The following SBNO2 variants were observed in gnomAD, a reference collection of about 807,000 sequenced individuals.
SBNO2 encodes the protein protein strawberry notch homolog 2.
A neutral mutation model predicts 146.3 loss-of-function variants in SBNO2; 89 were observed. The ratio of observed to expected loss-of-function variants is 0.61; its 90% CI spans 0.51 to 0.73. SBNO2 has a LOEUF of 0.73. Among genes scored for constraint, SBNO2 ranks in the 30% least tolerant of loss-of-function variants. SBNO2 has a pLI of 0.00. For synonymous variants in SBNO2, 1,147 were observed against 892.6 expected (o/e 1.29, Z -5.08); for missense variants, 2,092 against 2,003.7 (o/e 1.04, Z -0.84).
chr19:1,163,921 AC>A (rs1051463526), intron 1 of SBNO2, among the ~76,000 whole-genome samples: 1 of 151,992 alleles, frequency 6.6e-6, no homozygotes, highest in African/African-American at 2.4e-5. Context: ...ACCGCCCCAT[AC>A]CCCAGGAGCC....
intron 1 of SBNO2, among the ~76,000 whole-genome samples, chr19:1,160,826 G>A (rs1010265612): frequency 2.6e-5 from 4 of 152,030 alleles, no homozygotes; most frequent in South Asian, 2.1e-4. Flanking sequence ...CACCAGGCCC[G>A]GCCCGAATGG....
In SBNO2 at chr19:1,166,231, A is replaced by ATCCCAGACTTCAGAT. The variant is rs1555729309; in HGVS notation, c.-127+7940_-127+7941insATCTGAAGTCTGGGA. On this transcript the variant is annotated intron_variant, in intron 1 of 31. Coordinates refer to ENST00000361757, the MANE Select transcript of SBNO2 (RefSeq NM_014963.3). The stretch of plus-strand genomic sequence containing the variant: ...CCAGATCCCAGACCCGAGATTCCAG[A>ATCCCAGACTTCAGAT]CCCCAGATCCCAGACCCCAGCCCAG... Among the ~76,000 whole-genome samples the ATCCCAGACTTCAGAT allele has an allele frequency of 2.6e-5, 2 of 76,534 alleles. 1 individual carries two copies. Among genetic ancestry groups the ATCCCAGACTTCAGAT allele is most frequent in the Non-Finnish European group, 5.5e-5 (2 of 36,260 alleles). 50.2% of individuals were successfully genotyped at this position (76,534 alleles called of 152,430 possible).
At chr19:1,128,927 C>T (rs2079997588) in intron 4 of SBNO2, among the ~76,000 whole-genome samples, 1 of 148,594 alleles carries the variant, frequency 6.7e-6, no homozygotes, top group South Asian at 2.1e-4. Context: ...TGTTACTGCA[C>T]AACTACATTC....
In SBNO2 at chr19:1,150,820, T is replaced by C. The variant is rs886160005; in HGVS notation, c.94-1378A>G. ...CCGGATGGCCGGGGGCCACTTTCTG[T>C]ACCCGCAGGTGCTGGGTGGGGGATT... On this transcript the variant is annotated intron_variant, in intron 2 of 31. Coordinates refer to ENST00000361757, the MANE Select transcript of SBNO2 (RefSeq NM_014963.3). This position sits in a 1 kb window ranked among gnomAD's most constrained non-coding sequence, Gnocchi z 6.2. Among the ~76,000 whole-genome samples the C allele has an allele frequency of 6.6e-6, 1 of 152,170 alleles. No individual in the cohort carries two copies. Among genetic ancestry groups the C allele is most frequent in the African/African-American group, 2.4e-5 (1 of 41,446 alleles).
At chr19:1,151,988 C>T (rs1195012078) in intron 2 of SBNO2, among the ~76,000 whole-genome samples, 1 of 152,082 alleles carries the variant, frequency 6.6e-6, no homozygotes, top group African/African-American at 2.4e-5. Flanking sequence ...TAATTGAATA[C>T]TCTGGGCACT....
In SBNO2 at chr19:1,157,408, G is replaced by A. The variant is rs140176643; in HGVS notation, c.-126-3006C>T. 4.3e-3 allele frequency among the ~76,000 whole-genome samples: 634 copies of A among 147,220 alleles called. 5 individuals are homozygous for A. Among genetic ancestry groups the A allele is most frequent in the African/African-American group, 0.011 (433 of 40,472 alleles). ...AGCCCCGGAGACGCTCTCCCCACGC[G>A]GCCCCGGAGACCCTCTCCCCACGCG... On this transcript the variant is annotated intron_variant, in intron 1 of 31. Transcript: ENST00000361757. This position sits in a 1 kb window ranked among gnomAD's most constrained non-coding sequence, Gnocchi z 6.8.
rs1048005088 is a variant in SBNO2, at chr19:1,150,824, C to T, written c.94-1382G>A. Among the ~76,000 whole-genome samples, 5 of 152,348 alleles carry T rather than the reference C, an allele frequency of 3.3e-5. No homozygotes were observed. Among genetic ancestry groups the T allele is most frequent in the South Asian group, 2.1e-4 (1 of 4,834 alleles). Reference sequence around the variant, plus strand: ...ATGGCCGGGGGCCACTTTCTGTACCCGCAGGTGCTGGGTGGGGGATTCCAG... The same window carrying T: ...ATGGCCGGGGGCCACTTTCTGTACCTGCAGGTGCTGGGTGGGGGATTCCAG... On this transcript the variant is annotated intron_variant, in intron 2 of 31. Transcript: ENST00000361757. The surrounding 1 kb of genome is among the most constrained non-coding windows in gnomAD (Gnocchi z 6.2).
intron 1 of SBNO2, among the ~76,000 whole-genome samples, chr19:1,159,376 G>T (rs2080321993): frequency 6.7e-6 from 1 of 149,862 alleles, no homozygotes; most frequent in South Asian, 2.1e-4. Context: ...ATGGAGCCCG[G>T]GGCAAGGGAG....
chr19:1,173,237 G>A lies in SBNO2; in HGVS notation c.-127+935C>T, dbSNP rs2080498626. Among the ~76,000 whole-genome samples, 1 of 152,076 alleles carries A rather than the reference G, an allele frequency of 6.6e-6. No homozygotes were observed. Among genetic ancestry groups the A allele is most frequent in the African/African-American group, 2.4e-5 (1 of 41,402 alleles). On this transcript the variant is annotated intron_variant, in intron 1 of 31. Coordinates refer to ENST00000361757, the MANE Select transcript of SBNO2 (RefSeq NM_014963.3). The surrounding 1 kb of genome is among the most constrained non-coding windows in gnomAD (Gnocchi z 4.7). ...TACGGGGGACAGGACCCACCAGGAG[G>A]CCTGCGCTTCCCCTTCACCGACACA...
rs1165094620 is a variant in SBNO2, at chr19:1,173,556, G to A, written c.-127+616C>T. ...CAGGGCTGCGCTGCGGGGCCGAGAA[G>A]GCAAGGGTCCTGGGACCGGGGACAA... On this transcript the variant is annotated intron_variant, in intron 1 of 31. Transcript: ENST00000361757. This position sits in a 1 kb window ranked among gnomAD's most constrained non-coding sequence, Gnocchi z 4.7. Among the ~76,000 whole-genome samples the A allele has an allele frequency of 6.6e-6, 1 of 152,130 alleles. No individual in the cohort carries two copies. The highest frequency in any genetic ancestry group is 1.5e-5 in the Non-Finnish European group (1 of 68,024).
intron 1 of SBNO2, among the ~76,000 whole-genome samples, chr19:1,166,152 TCCCAGAC>T (rs2080421255): frequency 1.4e-5 from 1 of 73,484 alleles, no homozygotes; most frequent in Non-Finnish European, 2.8e-5. Flanking sequence ...AGACCCCAGA[TCCCAGAC>T]TTCAGATCCC....
At chr19:1,172,548 G>A (rs1435489563) in intron 1 of SBNO2, among the ~76,000 whole-genome samples, 3 of 152,318 alleles carry the variant, frequency 2.0e-5, no homozygotes, top group Middle Eastern at 3.4e-3. Flanking sequence ...GAGTCAGGGA[G>A]AGACATCCCA....
Position 1,122,568 on chromosome 19 carries a change from G to A in SBNO2, c.915-10C>T. 1 of 1,529,680 alleles carries A rather than the reference G, an allele frequency of 6.5e-7. No homozygotes were observed. The highest frequency in any genetic ancestry group is 8.8e-7 in the Non-Finnish European group (1 of 1,138,148). 94.8% of individuals were successfully genotyped at this position (1,529,680 alleles called of 1,614,324 possible). ...GTTGGAGACGCTGAACCTGCGGGGT[G>A]GGGGCGTCAGGCGCGCCCACCCTTC... On this transcript the variant is annotated splice_polypyrimidine_tract_variant and intron_variant, in intron 9 of 31. Coordinates refer to ENST00000361757, the MANE Select transcript of SBNO2 (RefSeq NM_014963.3).
chr19:1,134,318 G>A (rs569676557), intron 4 of SBNO2, among the ~76,000 whole-genome samples: 259 of 151,286 alleles, frequency 1.7e-3, no homozygotes, highest in African/African-American at 5.9e-3. Context: ...TACAGCTCAC[G>A]GGTGGACCCA....
chr19:1,124,193 G>C, intron 5 of SBNO2, 171 bp from the exon 6 acceptor site: 1 of 677,114 alleles, frequency 1.5e-6, no homozygotes, highest in Non-Finnish European at 2.6e-6. Context: ...GGTGACCCTG[G>C]TGCCTCCCAA....
In SBNO2 at chr19:1,119,471, C is replaced by T. The variant is rs370195891; in HGVS notation, c.1373+45G>A. 6.1e-4 allele frequency: 823 copies of T among 1,356,204 alleles called. 3 individuals are homozygous for T. Among genetic ancestry groups the T allele is most frequent in the Non-Finnish European group, 7.8e-4 (752 of 969,948 alleles). The allele number at this position is 1,356,204 out of a possible 1,614,324, so 84.0% of individuals were successfully genotyped here. A position where few individuals can be genotyped will look rare whatever the true frequency, so the allele number is the denominator to read the frequency against. ...TGGGCTGATGGGCCTGAGGCCTCCT[C>T]CCCACCCCCCGCCGCCCCTCCACGT... On this transcript the variant is annotated intron_variant, in intron 13 of 31. Transcript: ENST00000361757.
chr19:1,142,281 A>C (rs1278037795), intron 4 of SBNO2, among the ~76,000 whole-genome samples: 35 of 151,246 alleles, frequency 2.3e-4, no homozygotes, highest in Non-Finnish European at 1.2e-4. Context: ...CCCCACAATC[A>C]ATCTGCCCCT....
Position 1,119,980 on chromosome 19 carries a change from G to A in SBNO2, c.1193C>T (p.Thr398Ile). The A allele has an allele frequency of 6.4e-7, 1 of 1,551,494 alleles. No homozygotes were observed. Among genetic ancestry groups the A allele is most frequent in the Non-Finnish European group, 8.7e-7 (1 of 1,147,294 alleles). Reference sequence around the variant, plus strand: ...GTCTAGCACAGCCTTGCCCATCTTGGTGGAGCCGGCATTCTTGGCTTTGTG... The same window carrying A: ...GTCTAGCACAGCCTTGCCCATCTTGATGGAGCCGGCATTCTTGGCTTTGTG... ...ECHKAKNAGS[T>I]KMGKAVLDLQ... is the part of the protein sequence containing the mutation. Residue 398 changes from threonine to isoleucine, a missense_variant, in exon 12 of 32, where the codon ACC becomes ATC. Physicochemically the swap from Thr to Ile is moderately conservative, Grantham distance 89 (BLOSUM62 -1). Transcript: ENST00000361757.
chr19:1,166,246 C>CTTCAGATCCCCAGAT (rs71174349), intron 1 of SBNO2, among the ~76,000 whole-genome samples: 1 of 144,260 alleles, frequency 6.9e-6, no homozygotes, highest in Admixed American at 6.9e-5. Context: ...AGATCCCAGA[C>CTTCAGATCCCCAGAT]CCCAGCCCAG....
Sources: allele counts gnomAD v4.1 joint callset (sites outside exome capture counted in the v4.1 genomes callset), GRCh38; gene constraint gnomAD v4.1.1; non-coding constraint Gnocchi (gnomAD v3.1); transcripts MANE v1.5; gene names NCBI Gene and HGNC (gene_info 2026-07-23, HGNC 2026-07-21).